Variants in COQ10B observed in about 807,000 individuals in gnomAD.
COQ10B encodes coenzyme Q-binding protein COQ10 homolog B, mitochondrial.
A neutral mutation model predicts 27.6 loss-of-function variants in COQ10B; 12 were observed. The observed-to-expected ratio is 0.43, with a 90% CI of 0.28 to 0.70. COQ10B has a LOEUF of 0.70. Among genes scored for constraint, COQ10B ranks in the 30% least tolerant of loss-of-function variants. The pLI is 0.17. For synonymous variants in COQ10B, 115 were observed against 103.0 expected, an observed-to-expected ratio of 1.12 and a Z score of -0.71; for missense variants, 278 against 288.7, an observed-to-expected ratio of 0.96 and a Z score of 0.27.
chr2:197,457,026 A>G (rs1302122549), intron 1 of COQ10B, among the ~76,000 whole-genome samples: 1 of 152,106 alleles, frequency 6.6e-6, no homozygotes, highest in Admixed American at 6.6e-5. Context: ...TCAGGATGAA[A>G]CTGTTGCACC....
chr2:197,474,640 C>T lies in COQ10B; in HGVS notation c.*716C>T, dbSNP rs1020262975. 6.6e-6 allele frequency: 1 copy of T among 152,278 alleles called. No individual in the cohort carries two copies. Among genetic ancestry groups the T allele is most frequent in the Non-Finnish European group, 1.5e-5 (1 of 68,044 alleles). 9.4% of individuals were successfully genotyped at this position (152,278 alleles called of 1,614,324 possible). On this transcript the variant is annotated 3_prime_UTR_variant, in exon 5 of 5. Transcript: ENST00000263960. ...GGCGGAGGTTGCAGTTAGCCAAGATCGCCCTGCTGCACTCCAGCCTGGGCA... is the reference window on the plus strand; with the variant it reads ...GGCGGAGGTTGCAGTTAGCCAAGATTGCCCTGCTGCACTCCAGCCTGGGCA...
At chr2:197,470,726 C>T (rs2085868966) in intron 4 of COQ10B, among the ~76,000 whole-genome samples, 1 of 152,180 alleles carries the variant, frequency 6.6e-6, no homozygotes, top group South Asian at 2.1e-4. Context: ...GAAACCCCGT[C>T]TCTAGTAAAA....
At chr2:197,463,636 A>C (rs575116371) in intron 3 of COQ10B, among the ~76,000 whole-genome samples, 14 of 150,266 alleles carry the variant, frequency 9.3e-5, no homozygotes, top group Non-Finnish European at 2.1e-4. Context: ...ATGAAAAGAA[A>C]AAATATAAAA....
intron 3 of COQ10B, among the ~76,000 whole-genome samples, chr2:197,469,391 A>T (rs1369269343): frequency 2.6e-5 from 4 of 152,196 alleles, no homozygotes; most frequent in African/African-American, 9.6e-5. Context: ...TTTTTTTATG[A>T]TACAAAATAG....
intron 1 of COQ10B, chr2:197,453,912 T>A: frequency 1.3e-6 from 2 of 1,523,792 alleles, no homozygotes; most frequent in East Asian, 2.5e-5. Flanking sequence ...GAAGCGACTT[T>A]GGAAGCAATT....
Position 197,474,378 on chromosome 2 carries a change from A to G in COQ10B, c.*454A>G, listed in dbSNP as rs1462804095. 3 of 152,390 alleles carry G rather than the reference A, an allele frequency of 2.0e-5. No individual in the cohort carries two copies. Among genetic ancestry groups the G allele is most frequent in the Non-Finnish European group, 4.4e-5 (3 of 68,104 alleles). The allele number at this position is 152,390 out of a possible 1,614,324, so 9.4% of individuals were successfully genotyped here. On this transcript the variant is annotated 3_prime_UTR_variant, in exon 5 of 5. Coordinates refer to ENST00000263960, the MANE Select transcript of COQ10B (RefSeq NM_025147.5). Reference sequence around the variant, plus strand: ...CCGTATGGCTTAGGATATTTGAGTAATCATATATTTAAAGTAAAAACTTTG... The same window carrying G: ...CCGTATGGCTTAGGATATTTGAGTAGTCATATATTTAAAGTAAAAACTTTG...
At position 197,462,687 on chromosome 2, in the gene COQ10B, C is replaced by G; in HGVS notation, c.403C>G (p.Arg135Gly). 1 of 1,595,096 alleles carries G rather than the reference C, an allele frequency of 6.3e-7. No homozygotes were observed. Among genetic ancestry groups the G allele is most frequent in the Non-Finnish European group, 8.5e-7 (1 of 1,172,964 alleles). ...AATTGGATTTCCACCTGTGTTGGAG[C>G]GATATACATCAGTAGTAACCTTGGT... ...LEIGFPPVLE[R>G]YTSVVTLVKP... The change falls in exon 3 of 5, where the codon CGA becomes GGA. Residue 135 changes from arginine to glycine, a missense_variant. Around this residue, in one of 3 missense-constraint regions of COQ10B, gnomAD observed 12 missense variants for 26.0 expected, o/e 0.46. Transcript: ENST00000263960.
In COQ10B at chr2:197,462,586, A is replaced by C. The variant is rs1280702265; in HGVS notation, c.302A>C (p.Tyr101Ser). The C allele has an allele frequency of 1.3e-6, 2 of 1,595,564 alleles. No homozygotes were observed. Among genetic ancestry groups the C allele is most frequent in the Non-Finnish European group, 1.7e-6 (2 of 1,167,430 alleles). ...GATGTAGTATCGGGAGTGGAGGATT[A>C]CAAGCATTTTGTTCCTTGGTGCAAA... Reference protein sequence around the residue: ...MYDVVSGVEDYKHFVPWCKKS... With the variant: ...MYDVVSGVEDSKHFVPWCKKS... The change falls in exon 3 of 5, where the codon TAC becomes TCC. Residue 101 changes from tyrosine (Y) to serine (S), a missense_variant. Tyr to Ser is a moderately radical substitution (Grantham distance 144). Coordinates refer to ENST00000263960, the MANE Select transcript of COQ10B (RefSeq NM_025147.5).
Position 197,474,208 on chromosome 2 carries a change from GT to G in COQ10B, c.*286del, listed in dbSNP as rs2085924825. On this transcript the variant is annotated 3_prime_UTR_variant, in exon 5 of 5. Transcript: ENST00000263960. Reference sequence around the variant, plus strand: ...ACTGGCATGATTCTTCTGAGCAGAAGTTGAAACTGTAAATTTAAACCTTTTA... The same window carrying G: ...ACTGGCATGATTCTTCTGAGCAGAAGTGAAACTGTAAATTTAAACCTTTTA... 1 of 239,140 alleles carries G rather than the reference GT, an allele frequency of 4.2e-6. No individual in the cohort carries two copies. Among genetic ancestry groups the G allele is most frequent in the Admixed American group, 5.5e-5 (1 of 18,096 alleles). The allele number at this position is 239,140 out of a possible 1,614,324, so 14.8% of individuals were successfully genotyped here.
In COQ10B at chr2:197,475,269, T is replaced by G. The variant is rs1358585596; in HGVS notation, c.*1345T>G. On this transcript the variant is annotated 3_prime_UTR_variant, in exon 5 of 5. Coordinates refer to ENST00000263960, the MANE Select transcript of COQ10B (RefSeq NM_025147.5). ...ATCTATTTCTATGAAGAAACAGACT[T>G]TAACAAATATAAGCAAAATTCAGTT... The G allele has an allele frequency of 1.3e-5, 2 of 152,176 alleles. No homozygotes were observed. Among genetic ancestry groups the G allele is most frequent in the African/African-American group, 4.8e-5 (2 of 41,442 alleles). The allele number at this position is 152,176 out of a possible 1,614,324, so 9.4% of individuals were successfully genotyped here.
rs1003102370 is a variant in COQ10B, at chr2:197,459,984, T to C, written c.157T>C (p.Ser53Pro). Reference protein sequence around the residue: ...LMSRTLPLHTSILPKEICART... With the variant: ...LMSRTLPLHTPILPKEICART... ...GAGCAGAACTCTTCCACTACATACCTCAATTTTGCCTAAGGAGATATGTGC... is the reference window on the plus strand; with the variant it reads ...GAGCAGAACTCTTCCACTACATACCCCAATTTTGCCTAAGGAGATATGTGC... The change falls in exon 2 of 5, where the codon TCA becomes CCA. Residue 53 changes from serine to proline, a missense_variant. Around this residue, in one of 3 missense-constraint regions of COQ10B, gnomAD observed 183 missense variants for 158.2 expected, o/e 1.16. Transcript: ENST00000263960. The C allele has an allele frequency of 2.5e-6, 4 of 1,611,922 alleles. No individual in the cohort carries two copies. The Admixed American group carries it at 5.0e-5, about 20-fold the overall frequency.
chr2:197,454,682 A>G (rs2085676993), intron 1 of COQ10B, among the ~76,000 whole-genome samples: 1 of 152,110 alleles, frequency 6.6e-6, no homozygotes, highest in Non-Finnish European at 1.5e-5. Context: ...ACTCTTATAA[A>G]ATGTTGTCTT....
At chr2:197,460,210 CTTTTT>C in intron 2 of COQ10B, 129 bp downstream of exon 2, 7 of 374,330 alleles carry the variant, frequency 1.9e-5, no homozygotes, top group African/African-American at 2.3e-5. Context: ...TGGCCTTTTT[CTTTTT>C]TTTTTTTTTT....
In COQ10B at chr2:197,470,200, C is replaced by T. The variant is rs760067316; in HGVS notation, c.549+29C>T. On this transcript the variant is annotated intron_variant, in intron 4 of 4. Transcript: ENST00000263960. Reference sequence around the variant, plus strand: ...AGTCTCATAAAGCCCTTGATTTGTTCCACTTATGAGGTAAAATTGGTAAAA... The same window carrying T: ...AGTCTCATAAAGCCCTTGATTTGTTTCACTTATGAGGTAAAATTGGTAAAA... 8 of 1,341,876 alleles carry T rather than the reference C, an allele frequency of 6.0e-6. No individual in the cohort carries two copies. The African/African-American group carries it at 1.2e-4, about 19-fold the overall frequency. 83.1% of individuals were successfully genotyped at this position (1,341,876 alleles called of 1,614,324 possible).
intron 4 of COQ10B, among the ~76,000 whole-genome samples, chr2:197,470,495 C>T (rs1160909167): frequency 2.0e-5 from 3 of 152,174 alleles, no homozygotes; most frequent in Non-Finnish European, 4.4e-5. Flanking sequence ...TGCAGTAGCC[C>T]ATGCCTGGAA....
intron 1 of COQ10B, 95 bp from the exon 2 acceptor site, chr2:197,459,837 C>T: frequency 1.1e-6 from 1 of 894,046 alleles, no homozygotes; most frequent in Non-Finnish European, 1.6e-6. Context: ...GTTGCAAAGC[C>T]TTACAAAGTG....
At chr2:197,457,413 T>C (rs1159814489) in intron 1 of COQ10B, among the ~76,000 whole-genome samples, 1 of 152,250 alleles carries the variant, frequency 6.6e-6, no homozygotes, top group Non-Finnish European at 1.5e-5. Flanking sequence ...ATGCATTGTA[T>C]GTATCGAAAC....
chr2:197,453,564 G>A lies in COQ10B; in HGVS notation c.4G>A (p.Ala2Thr), dbSNP rs1408916717. The change falls in exon 1 of 5, where the codon GCA becomes ACA. Residue 2 changes from alanine (A) to threonine (T), a missense_variant. This residue lies in a region of COQ10B where 183 missense variants were observed against 158.2 expected (regional missense o/e 1.16). Coordinates refer to ENST00000263960, the MANE Select transcript of COQ10B (RefSeq NM_025147.5). The stretch of plus-strand genomic sequence containing the variant: ...GACCGGCTTCGGAGAGTCTATCATG[G>A]CAGCTCGGACTGGTCATACGGCCTT... M[A>T]ARTGHTALRR... is the part of the protein sequence containing the mutation. 1.2e-6 allele frequency: 2 copies of A among 1,613,038 alleles called. No homozygotes were observed. Among genetic ancestry groups the A allele is most frequent in the South Asian group, 2.2e-5 (2 of 91,046 alleles).
At chr2:197,454,732 A>G (rs1025518438) in intron 1 of COQ10B, among the ~76,000 whole-genome samples, 7 of 152,202 alleles carry the variant, frequency 4.6e-5, no homozygotes, top group East Asian at 1.9e-4. Context: ...CAGTTGCTTT[A>G]ATGATCAAAT....
Sources: gnomAD v4.1 joint callset for allele counts (sites outside exome capture counted in the v4.1 genomes callset) on GRCh38, gnomAD v4.1.1 for gene constraint, gnomAD v4.1.1 regional missense constraint, MANE v1.5 for transcripts, NCBI Gene and HGNC (gene_info 2026-07-23, HGNC 2026-07-21) for gene names.